The following SLC25A26 variants were observed in gnomAD, a reference collection of about 807,000 sequenced individuals.
The protein encoded by SLC25A26 is mitochondrial S-adenosylmethionine carrier protein.
SLC25A26 carries 36 observed loss-of-function variants against 37.8 expected under a neutral mutation model. The ratio of observed to expected loss-of-function variants is 0.95; its 90% CI spans 0.73 to 1.26. The LOEUF is 1.26. SLC25A26 is among the 50% of genes most tolerant of loss of function. The probability of loss-of-function intolerance (pLI) is 0.00; values close to 1 mark genes in which losing one functional copy is unlikely to be tolerated. For missense variants in SLC25A26, 390 were observed against 331.1 expected, an observed-to-expected ratio of 1.18 and a Z score of -1.38; for synonymous variants, 129 against 122.5, an observed-to-expected ratio of 1.05 and a Z score of -0.35.
intron 5 of SLC25A26, among the ~76,000 whole-genome samples, chr3:66,267,093 GAAAC>G (rs940267964): frequency 4.6e-5 from 7 of 152,124 alleles, no homozygotes; most frequent in African/African-American, 1.4e-4. Context: ...TTCTGGCGGG[GAAAC>G]AAACAGGGAA....
rs184109872 is a variant in SLC25A26 at position 66,222,304 on chromosome 3, C to G, written c.33+1177C>G. 2.4e-3 allele frequency among the ~76,000 whole-genome samples: 371 copies of G among 152,050 alleles called. 1 individual carries two copies. The highest frequency in any genetic ancestry group is 8.3e-3 in the African/African-American group (343 of 41,468). The stretch of plus-strand genomic sequence containing the variant: ...CACGCCATTCTCCTGCCTCAGCCTC[C>G]CGAGTAGCTGGGACTGCAGGTGCCC... On this transcript the variant is annotated intron_variant, in intron 1 of 9. Transcript: ENST00000354883.
At chr3:66,245,259 A>C (rs566642998) in intron 3 of SLC25A26, among the ~76,000 whole-genome samples, 39 of 151,812 alleles carry the variant, frequency 2.6e-4, no homozygotes, top group East Asian at 1.2e-3. Context: ...TTAAAAAAAA[A>C]AAAAAAAACA....
At chr3:66,193,238 T>C (rs909342540) in intron 1 of SLC25A26, among the ~76,000 whole-genome samples, 1 of 152,162 alleles carries the variant, frequency 6.6e-6, no homozygotes, top group Non-Finnish European at 1.5e-5. Context: ...AAAAAGGGAA[T>C]ATATCCTTTA....
chr3:66,291,653 A>G (rs1314596675), intron 5 of SLC25A26, among the ~76,000 whole-genome samples: 2 of 152,132 alleles, frequency 1.3e-5, no homozygotes, highest in Non-Finnish European at 2.9e-5. Flanking sequence ...ATTTGATTGC[A>G]CTGTGATCTG....
At chr3:66,354,801 C>T (rs953198147) in intron 6 of SLC25A26, among the ~76,000 whole-genome samples, 4 of 152,134 alleles carry the variant, frequency 2.6e-5, no homozygotes, top group Admixed American at 2.0e-4. Flanking sequence ...GTGAATGAGT[C>T]TCACAAGATC....
At chr3:66,371,544 G>A (rs1303348844) in intron 9 of SLC25A26, 9 of 1,196,522 alleles carry the variant, frequency 7.5e-6, no homozygotes, top group East Asian at 5.9e-5. Context: ...AGGGATTGAC[G>A]TTGGGGGTGT....
At chr3:66,162,412 G>A (rs1042174725) in intron 1 of SLC25A26, among the ~76,000 whole-genome samples, 3 of 150,224 alleles carry the variant, frequency 2.0e-5, no homozygotes, top group Non-Finnish European at 4.4e-5. Context: ...CACAGGAGAA[G>A]TGACTTCTAA....
At chr3:66,337,099 A>T (rs1349996146) in intron 5 of SLC25A26, among the ~76,000 whole-genome samples, 5 of 152,110 alleles carry the variant, frequency 3.3e-5, no homozygotes, top group South Asian at 2.1e-4. Context: ...TAGCTAGGGG[A>T]TCAGTTTAAA....
At chr3:66,367,785 A>G (rs1261345463) in intron 7 of SLC25A26, among the ~76,000 whole-genome samples, 1 of 152,148 alleles carries the variant, frequency 6.6e-6, no homozygotes, top group Non-Finnish European at 1.5e-5. Context: ...TTACTTTTCC[A>G]GGGCAGAATA....
At chr3:66,167,230 A>T (rs2070437099) in intron 1 of SLC25A26, among the ~76,000 whole-genome samples, 1 of 152,244 alleles carries the variant, frequency 6.6e-6, no homozygotes, top group Non-Finnish European at 1.5e-5. Flanking sequence ...GTACATGGCC[A>T]AAGTAGGGCC....
chr3:66,140,632 A>G (rs1209608518), intron 1 of SLC25A26, among the ~76,000 whole-genome samples: 1 of 152,204 alleles, frequency 6.6e-6, no homozygotes, highest in Non-Finnish European at 1.5e-5. Context: ...AGTTAAATCT[A>G]TTAGCAGGCA....
intron 1 of SLC25A26, among the ~76,000 whole-genome samples, chr3:66,189,780 G>A (rs887308695): frequency 3.9e-5 from 6 of 152,028 alleles, no homozygotes; most frequent in Non-Finnish European, 8.8e-5. Flanking sequence ...TCCCTCCTCA[G>A]CCTCCTGAGT....
At chr3:66,349,796 G>A (rs2076408512) in intron 6 of SLC25A26, among the ~76,000 whole-genome samples, 1 of 152,134 alleles carries the variant, frequency 6.6e-6, no homozygotes, top group Non-Finnish European at 1.5e-5. Context: ...TTTCCAAAGT[G>A]GCTGTACCAG....
At chr3:66,308,906 G>A (rs2075300624) in intron 5 of SLC25A26, among the ~76,000 whole-genome samples, 1 of 152,176 alleles carries the variant, frequency 6.6e-6, no homozygotes, top group Non-Finnish European at 1.5e-5. Context: ...TGGTGGATAA[G>A]CTTTTTGATG....
chr3:66,290,992 G>A (rs1051316787), intron 5 of SLC25A26, among the ~76,000 whole-genome samples: 4 of 152,038 alleles, frequency 2.6e-5, no homozygotes, highest in African/African-American at 9.7e-5. Flanking sequence ...CAATTTCAGA[G>A]CCTGTTATTG....
intron 1 of SLC25A26, among the ~76,000 whole-genome samples, chr3:66,147,497 A>G: frequency 6.6e-6 from 1 of 151,694 alleles, no homozygotes; most frequent in East Asian, 2.0e-4. Flanking sequence ...GTTGATGGAC[A>G]CTCAGGTTGG....
At chr3:66,238,306 A>G (rs2072396691) in intron 2 of SLC25A26, among the ~76,000 whole-genome samples, 1 of 152,180 alleles carries the variant, frequency 6.6e-6, no homozygotes, top group Admixed American at 6.5e-5. Flanking sequence ...TGTCTTAATG[A>G]TAGCATAAAC....
At chr3:66,344,971 G>T (rs1282649429) in intron 5 of SLC25A26, among the ~76,000 whole-genome samples, 4 of 152,126 alleles carry the variant, frequency 2.6e-5, no homozygotes, top group Admixed American at 2.6e-4. Context: ...TAAAATGAAG[G>T]AAGTAATACT....
chr3:66,204,381 G>C (rs1433997152), intron 1 of SLC25A26, among the ~76,000 whole-genome samples: 8 of 128,116 alleles, frequency 6.2e-5, no homozygotes, highest in Non-Finnish European at 9.6e-5. Flanking sequence ...AGCCGAGATC[G>C]CGCCACTGCA....
Sources: allele counts gnomAD v4.1 joint callset (sites outside exome capture counted in the v4.1 genomes callset), GRCh38; gene constraint gnomAD v4.1.1; transcripts MANE v1.5; gene names NCBI Gene and HGNC (gene_info 2026-07-23, HGNC 2026-07-21).